REC114: variants seen among roughly 807,000 people sequenced by gnomAD.
REC114 encodes the protein meiotic recombination protein REC114.
A neutral mutation model predicts 31.3 loss-of-function variants in REC114; 27 were observed. The observed-to-expected ratio is 0.86, with a 90% confidence interval of 0.64 to 1.19. REC114 has a LOEUF of 1.19. Among genes scored for constraint, REC114 ranks in the 50% most tolerant of loss-of-function variants. The pLI, the probability that REC114 is intolerant of heterozygous loss-of-function variation, is 0.00. For synonymous variants in REC114, 134 were observed against 127.7 expected (o/e 1.05, Z -0.33); for missense variants, 344 against 326.9 (o/e 1.05, Z -0.40).
At chr15:73,476,117 A>G (rs542904729) in intron 2 of REC114, among the ~76,000 whole-genome samples, 195 of 152,328 alleles carry the variant, frequency 1.3e-3, no homozygotes, top group South Asian at 2.9e-3. Context: ...TAGTCACACA[A>G]TGACAAGATC....
At chr15:73,457,477 C>A (rs1024957681) in intron 1 of REC114, among the ~76,000 whole-genome samples, 1 of 152,166 alleles carries the variant, frequency 6.6e-6, no homozygotes, top group African/African-American at 2.4e-5. Flanking sequence ...CCTCCTAGGA[C>A]TCGAAGCTTC....
chr15:73,473,139 C>G (rs1050559709), intron 1 of REC114, among the ~76,000 whole-genome samples: 3 of 152,132 alleles, frequency 2.0e-5, no homozygotes, highest in African/African-American at 7.2e-5. Context: ...CCTGTAATCC[C>G]AGCACTTTGG....
intron 1 of REC114, among the ~76,000 whole-genome samples, chr15:73,444,108 A>T (rs1837605200): frequency 1.3e-5 from 2 of 152,234 alleles, no homozygotes; most frequent in Non-Finnish European, 2.9e-5. Context: ...CTGAGCCTTC[A>T]GCAGGTCAGT....
intron 3 of REC114, among the ~76,000 whole-genome samples, chr15:73,546,496 T>C (rs1894310038): frequency 6.6e-6 from 1 of 152,204 alleles, no homozygotes; most frequent in South Asian, 2.1e-4. Flanking sequence ...AGGAATACTC[T>C]TCAGCCATTG....
At chr15:73,474,591 A>G (rs1335936937) in intron 2 of REC114, among the ~76,000 whole-genome samples, 3 of 152,210 alleles carry the variant, frequency 2.0e-5, no homozygotes, top group Non-Finnish European at 2.9e-5. Flanking sequence ...ACATAAATTC[A>G]TACAACAAAT....
chr15:73,558,227 C>T (rs1566951570), intron 5 of REC114, among the ~76,000 whole-genome samples: 1 of 152,164 alleles, frequency 6.6e-6, no homozygotes, highest in Non-Finnish European at 1.5e-5. Context: ...GTTTCTGTTA[C>T]AGAGAGTTCC....
At chr15:73,457,282 A>C (rs77238543) in intron 1 of REC114, among the ~76,000 whole-genome samples, 6,596 of 151,898 alleles carry the variant, frequency 0.043, 194 homozygotes, top group East Asian at 0.11. Context: ...AGCTCTGGGG[A>C]TTATTCCCTT....
intron 1 of REC114, among the ~76,000 whole-genome samples, chr15:73,448,685 C>T (rs193272071): frequency 6.6e-6 from 1 of 152,242 alleles, no homozygotes; most frequent in African/African-American, 2.4e-5. Flanking sequence ...GGTCCCTGAC[C>T]TTTGTGTCTC....
chr15:73,517,361 T>C (rs1201725634), intron 2 of REC114, among the ~76,000 whole-genome samples: 1 of 152,122 alleles, frequency 6.6e-6, no homozygotes, highest in African/African-American at 2.4e-5. Context: ...CACAGTGTTG[T>C]GGAGAAGAGG....
intron 2 of REC114, among the ~76,000 whole-genome samples, chr15:73,487,830 G>A (rs1893392246): frequency 6.6e-6 from 1 of 152,220 alleles, no homozygotes; most frequent in African/African-American, 2.4e-5. Context: ...ACTAGGCATT[G>A]CCCTGGTGGG....
At chr15:73,480,154 A>G (rs1457535425) in intron 2 of REC114, among the ~76,000 whole-genome samples, 1 of 152,138 alleles carries the variant, frequency 6.6e-6, no homozygotes, top group African/African-American at 2.4e-5. Context: ...GAATAATGTC[A>G]TTGTGGTATT....
At chr15:73,482,159 G>A (rs1231684064) in intron 2 of REC114, among the ~76,000 whole-genome samples, 2 of 152,036 alleles carry the variant, frequency 1.3e-5, no homozygotes, top group Non-Finnish European at 2.9e-5. Context: ...TTTGACTATT[G>A]TAGGTACCTC....
At chr15:73,453,126 G>T (rs1271541422) in intron 1 of REC114, among the ~76,000 whole-genome samples, 1 of 152,166 alleles carries the variant, frequency 6.6e-6, no homozygotes, top group Non-Finnish European at 1.5e-5. Context: ...AGCCAAAATT[G>T]ACAAATGGGA....
At chr15:73,471,371 ATTTC>A (rs1470472806) in intron 1 of REC114, among the ~76,000 whole-genome samples, 1 of 151,672 alleles carries the variant, frequency 6.6e-6, no homozygotes, top group East Asian at 1.9e-4. Context: ...GAAAGAATTA[ATTTC>A]TTAAGTGTTG....
At position 73,449,347 on chromosome 15, in the gene REC114, G is replaced by T. The variant is rs2151250381; in HGVS notation, c.159+6003G>T. 2.0e-5 allele frequency among the ~76,000 whole-genome samples: 3 copies of T among 152,184 alleles called. No individual in the cohort carries two copies. The Middle Eastern group carries it at 0.01, about 518-fold the overall frequency. ...AAACACAGCACGAGAACTTCATGAA[G>T]CATACACAAGTATCAGTAGCTGAAT... is the stretch of plus-strand genomic sequence containing the variant. On this transcript the variant is annotated intron_variant, in intron 1 of 5. Transcript: ENST00000331090.
chr15:73,527,149 A>G (rs1421513750), intron 2 of REC114, among the ~76,000 whole-genome samples: 4 of 152,154 alleles, frequency 2.6e-5, no homozygotes, highest in South Asian at 2.1e-4. Context: ...TGTGTATTCA[A>G]TGAAGTCTCT....
At chr15:73,550,905 G>T (rs1462991049) in intron 3 of REC114, 33 bp from the exon 4 acceptor site, 2 of 1,592,056 alleles carry the variant, frequency 1.3e-6, no homozygotes, top group Non-Finnish European at 8.6e-7. Flanking sequence ...TATGATGAGG[G>T]TCTCTCATGA....
intron 1 of REC114, among the ~76,000 whole-genome samples, chr15:73,457,556 C>T (rs1336519719): frequency 6.6e-6 from 1 of 152,210 alleles, no homozygotes; most frequent in East Asian, 1.9e-4. Context: ...CCTGGAAACT[C>T]GTGCCAAGAA....
chr15:73,526,510 A>G (rs979727361), intron 2 of REC114, among the ~76,000 whole-genome samples: 14 of 152,098 alleles, frequency 9.2e-5, no homozygotes, highest in African/African-American at 2.9e-4. Flanking sequence ...AGGGTTTACA[A>G]TATACATCTC....
Sources: allele counts gnomAD v4.1 joint callset (sites outside exome capture counted in the v4.1 genomes callset), GRCh38; gene constraint gnomAD v4.1.1; transcripts MANE v1.5; gene names NCBI Gene and HGNC (gene_info 2026-07-23, HGNC 2026-07-21).